XYLT1: variants seen among roughly 807,000 people sequenced by gnomAD.
XYLT1 encodes beta-D-xylosyltransferase 1.
A neutral mutation model predicts 91.3 loss-of-function variants in XYLT1; 36 were observed. The observed-to-expected ratio is 0.39, with a 90% CI of 0.30 to 0.52. XYLT1 has a LOEUF of 0.52. XYLT1 is among the 20% of genes least tolerant of loss of function. XYLT1 has a pLI of 0.68. For missense variants in XYLT1, 1,242 were observed against 1,284.5 expected (o/e 0.97, Z 0.51); for synonymous variants, 588 against 532.0 (o/e 1.11, Z -1.45).
chr16:17,150,382 C>G (rs1276163935), intron 6 of XYLT1, among the ~76,000 whole-genome samples: 1 of 152,186 alleles, frequency 6.6e-6, no homozygotes, highest in African/African-American at 2.4e-5. Context: ...CTTCGATATT[C>G]CAGGCTCTGC....
chr16:17,158,985 C>A (rs915960534), intron 5 of XYLT1, 76 bp from the exon 6 acceptor site: 3 of 1,318,646 alleles, frequency 2.3e-6, no homozygotes, highest in Non-Finnish European at 3.3e-6. Context: ...CAAGTTTCAC[C>A]AATTATGTCA....
chr16:17,184,054 T>C (rs543021782), intron 5 of XYLT1, among the ~76,000 whole-genome samples: 2 of 152,176 alleles, frequency 1.3e-5, no homozygotes, highest in South Asian at 2.1e-4. Context: ...TAATAGACTC[T>C]ACAATAAAGA....
At chr16:17,255,465 C>T (rs1391483201) in intron 3 of XYLT1, among the ~76,000 whole-genome samples, 1 of 152,156 alleles carries the variant, frequency 6.6e-6, no homozygotes, top group East Asian at 1.9e-4. Context: ...AACAAATGTG[C>T]TGTCTCTGAT....
chr16:17,304,456 G>A (rs965162797), intron 2 of XYLT1, among the ~76,000 whole-genome samples: 5 of 134,240 alleles, frequency 3.7e-5, no homozygotes, highest in Admixed American at 7.6e-5. Context: ...AGCATGCTGC[G>A]AAAAAATGCT....
intron 2 of XYLT1, among the ~76,000 whole-genome samples, chr16:17,352,716 C>G (rs1305840056): frequency 1.3e-5 from 2 of 152,346 alleles, no homozygotes; most frequent in Non-Finnish European, 2.9e-5. Flanking sequence ...CCCAGTCACT[C>G]TCTTACAAAC....
rs527599627 is a variant in XYLT1, at chr16:17,368,936, C to T, written c.364-10886G>A. Among the ~76,000 whole-genome samples the T allele has an allele frequency of 2.3e-4, 35 of 151,896 alleles. No homozygotes were observed. In the South Asian group the frequency reaches 7.3e-3, roughly 32 times the overall value. On this transcript the variant is annotated intron_variant, in intron 1 of 11. Transcript: ENST00000261381. ...TTTCCTTGTTCCTGGATTATGAATA[C>T]CCTGTAGTACTGTTCCTAATTTATA... is the stretch of plus-strand genomic sequence containing the variant.
In XYLT1 at chr16:17,470,828, G is replaced by A. The variant is rs771243925; in HGVS notation, c.-32C>T. The A allele has an allele frequency of 4.0e-5, 39 of 986,926 alleles. No homozygotes were observed. Among genetic ancestry groups the A allele is most frequent in the Non-Finnish European group, 4.4e-5 (37 of 833,084 alleles). The allele number at this position is 986,926 out of a possible 1,614,324, so 61.1% of individuals were successfully genotyped here. A position where few individuals can be genotyped will look rare whatever the true frequency, so the allele number is the denominator to read the frequency against. ...AGCGCGGCCGGCGAGCGAGGCGCGG[G>A]GACCCCGGCACGCTCCGGGCCGCCC... On this transcript the variant is annotated 5_prime_UTR_variant, in exon 1 of 12. Coordinates refer to ENST00000261381, the MANE Select transcript of XYLT1 (RefSeq NM_022166.4).
intron 2 of XYLT1, among the ~76,000 whole-genome samples, chr16:17,337,771 TTTTCTTTTTC>T (rs1596489462): frequency 1.8e-5 from 2 of 109,378 alleles, no homozygotes; most frequent in African/African-American, 8.9e-5. Context: ...GTTCCACATT[TTTTCTTTTTC>T]TTTTTTTTTT....
chr16:17,200,329 G>A (rs1328804141), intron 4 of XYLT1, among the ~76,000 whole-genome samples, 153 bp downstream of exon 4: 2 of 152,166 alleles, frequency 1.3e-5, no homozygotes, highest in African/African-American at 2.4e-5. Flanking sequence ...CAGCACTCTA[G>A]GGCCACACGC....
chr16:17,299,760 G>C (rs2034366865), intron 2 of XYLT1, among the ~76,000 whole-genome samples: 1 of 152,150 alleles, frequency 6.6e-6, no homozygotes, highest in South Asian at 2.1e-4. Flanking sequence ...TGAAGGCCCA[G>C]GAAGGTCTGC....
chr16:17,160,347 TGAG>T (rs2031517464), intron 5 of XYLT1, among the ~76,000 whole-genome samples: 1 of 152,224 alleles, frequency 6.6e-6, no homozygotes, highest in Admixed American at 6.5e-5. Context: ...CTCTTTGGTC[TGAG>T]CTGCCCCTAC....
chr16:17,398,249 C>G (rs964677842), intron 1 of XYLT1, among the ~76,000 whole-genome samples: 26 of 152,134 alleles, frequency 1.7e-4, no homozygotes, highest in Admixed American at 1.7e-3. Context: ...CTACTGAATC[C>G]AACAAGCACT....
rs1023621607 is a variant in XYLT1 at position 17,310,577 on chromosome 16, G to A, written c.402+47435C>T. On this transcript the variant is annotated intron_variant, in intron 2 of 11. Transcript: ENST00000261381. ...TAAATGGGGAAAAGGCAGGCCCGGC[G>A]CAGTGGCTCATGCCTGTAATCTCAG... is the stretch of plus-strand genomic sequence containing the variant. 4.6e-5 allele frequency among the ~76,000 whole-genome samples: 7 copies of A among 152,312 alleles called. No individual in the cohort carries two copies. The East Asian group carries it at 7.7e-4, about 17-fold the overall frequency.
intron 2 of XYLT1, among the ~76,000 whole-genome samples, chr16:17,327,445 C>G (rs911777978): frequency 2.0e-5 from 3 of 147,908 alleles, no homozygotes; most frequent in African/African-American, 7.5e-5. Flanking sequence ...TCACTGCAAG[C>G]TCCGCCCCCC....
chr16:17,134,404 C>T, intron 9 of XYLT1, 69 bp downstream of exon 9: 2 of 1,576,750 alleles, frequency 1.3e-6, no homozygotes, highest in Non-Finnish European at 1.7e-6. Flanking sequence ...AAGAAGGACC[C>T]CCACTCTGTA....
intron 1 of XYLT1, among the ~76,000 whole-genome samples, chr16:17,369,365 T>C: frequency 6.6e-6 from 1 of 152,262 alleles, no homozygotes; most frequent in East Asian, 1.9e-4. Flanking sequence ...CATGATATTC[T>C]GATTTGTGGC....
rs763707928 is a variant in XYLT1 at position 17,108,810 on chromosome 16, G to A, written c.2765C>T (p.Thr922Met). The A allele has an allele frequency of 2.2e-5, 35 of 1,612,156 alleles. No homozygotes were observed. The highest frequency in any genetic ancestry group is 1.7e-4 in the Middle Eastern group (1 of 5,906). Residue 922 changes from threonine to methionine, a missense_variant, in exon 12 of 12, where the codon ACG (threonine) becomes ATG (methionine). Physicochemically the swap from Thr to Met is moderately conservative, Grantham distance 81. Coordinates refer to ENST00000261381, the MANE Select transcript of XYLT1 (RefSeq NM_022166.4). ...CATGACCGGGCAGGCTGTGGGGCCCGTGGCACAGATGTCCATGGCAGTCCA... is the reference window on the plus strand; with the variant it reads ...CATGACCGGGCAGGCTGTGGGGCCCATGGCACAGATGTCCATGGCAGTCCA... Reference protein sequence around the residue: ...GMWTAMDICATGPTACPVMQT... With the variant: ...GMWTAMDICAMGPTACPVMQT...
At position 17,342,606 on chromosome 16, in the gene XYLT1, C is replaced by G. The variant is rs1031047768; in HGVS notation, c.402+15406G>C. Reference sequence around the variant, plus strand: ...GCGAGGTGGCGCGTGCCTGTAATCCCAGCTACCCAGGAGGCTGAGGCAGGA... The same window carrying G: ...GCGAGGTGGCGCGTGCCTGTAATCCGAGCTACCCAGGAGGCTGAGGCAGGA... On this transcript the variant is annotated intron_variant, in intron 2 of 11. Transcript: ENST00000261381. Among the ~76,000 whole-genome samples, 8 of 152,246 alleles carry G rather than the reference C, an allele frequency of 5.3e-5. No individual in the cohort carries two copies. The South Asian group carries it at 1.0e-3, about 20-fold the overall frequency.
chr16:17,243,414 A>G (rs936140320), intron 3 of XYLT1, among the ~76,000 whole-genome samples: 1 of 152,222 alleles, frequency 6.6e-6, no homozygotes, highest in Non-Finnish European at 1.5e-5. Context: ...GTCTCACTCT[A>G]TAGGAGAATC....
Sources: allele counts gnomAD v4.1 joint callset (sites outside exome capture counted in the v4.1 genomes callset), GRCh38; gene constraint gnomAD v4.1.1; transcripts MANE v1.5; gene names NCBI Gene and HGNC (gene_info 2026-07-23, HGNC 2026-07-21).